Variants in SMARCB1 observed in about 807,000 individuals in gnomAD.
SMARCB1 encodes the protein SWI/SNF-related matrix-associated actin-dependent regulator of chromatin subfamily B member 1.
A neutral mutation model predicts 49.0 loss-of-function variants in SMARCB1; 5 were observed. That is an observed-to-expected ratio of 0.10 (90% CI 0.05 to 0.21). SMARCB1 has a LOEUF of 0.21. SMARCB1 is among the 10% of genes least tolerant of loss of function. The pLI is 1.00. For missense variants in SMARCB1, 226 were observed against 509.2 expected (o/e 0.44, Z 5.35); for synonymous variants, 201 against 200.1 (o/e 1.00, Z -0.04).
intron 6 of SMARCB1, among the ~76,000 whole-genome samples, chr22:23,819,233 C>A (rs1303481789): frequency 3.9e-5 from 6 of 152,190 alleles, no homozygotes; most frequent in African/African-American, 1.2e-4. Flanking sequence ...TGGACAGACA[C>A]TTGGGTTGCT....
At chr22:23,807,020 G>C (rs1438536659) in intron 5 of SMARCB1, among the ~76,000 whole-genome samples, 1 of 151,724 alleles carries the variant, frequency 6.6e-6, no homozygotes. Context: ...ACTTGAAGTA[G>C]TGCTTCTCTG....
chr22:23,793,244 G>A (rs936729643), intron 2 of SMARCB1: 8 of 428,624 alleles, frequency 1.9e-5, no homozygotes, highest in Admixed American at 1.0e-4. Context: ...TTCTGGAGTC[G>A]AGTGTCCCCG....
At position 23,797,511 on chromosome 22, in the gene SMARCB1, T is replaced by C. The variant is rs534479214; in HGVS notation, c.363-3433T>C. Among the ~76,000 whole-genome samples the C allele has an allele frequency of 2.1e-5, 3 of 144,524 alleles. No individual in the cohort carries two copies. The Admixed American group carries it at 2.1e-4, about 10-fold the overall frequency. The allele number at this position is 144,524 out of a possible 152,430, so 94.8% of individuals were successfully genotyped here. A position where few individuals can be genotyped will look rare whatever the true frequency, so the allele number is the denominator to read the frequency against. On this transcript the variant is annotated intron_variant, in intron 3 of 8. Coordinates refer to ENST00000644036, the MANE Select transcript of SMARCB1 (RefSeq NM_003073.5). ...ATTTTTAGTAGAGATGGAGTTTTAT[T>C]GTGTTAGCCAGGATGGTCTCGATTT... is the stretch of plus-strand genomic sequence containing the variant.
intron 3 of SMARCB1, among the ~76,000 whole-genome samples, chr22:23,799,590 G>A: frequency 7.0e-6 from 1 of 141,896 alleles, no homozygotes; most frequent in African/African-American, 2.6e-5. Context: ...TCGGCTCACT[G>A]CAACTTCTGC....
Position 23,787,097 on chromosome 22 carries a change from G to T in SMARCB1, c.-73G>T. On this transcript the variant is annotated 5_prime_UTR_variant, in exon 1 of 9. Transcript: ENST00000644036. ...TCCGGCTTCGGTTTCCCTCGGCCCA[G>T]CACGCCCCGGCCCCGCCCCAGCCCT... is the stretch of plus-strand genomic sequence containing the variant. The T allele has an allele frequency of 1.0e-6, 1 of 975,176 alleles. No individual in the cohort carries two copies. Among genetic ancestry groups the T allele is most frequent in the Non-Finnish European group, 1.6e-6 (1 of 615,504 alleles). The allele number at this position is 975,176 out of a possible 1,614,324, so 60.4% of individuals were successfully genotyped here.
chr22:23,830,521 T>C (rs1350775267), intron 7 of SMARCB1, among the ~76,000 whole-genome samples: 1 of 152,186 alleles, frequency 6.6e-6, no homozygotes, highest in Non-Finnish European at 1.5e-5. Flanking sequence ...ATATTCTACA[T>C]AGAAGTCCCT....
chr22:23,837,773 G>A lies in SMARCB1; in HGVS notation c.*3593G>A, dbSNP rs531760398. The A allele has an allele frequency of 2.5e-6, 4 of 1,613,928 alleles. No individual in the cohort carries two copies. In the East Asian group the frequency reaches 8.9e-5, roughly 36 times the overall value. ...CCGAAGAAGTTGACCCTCACCCGAG[G>A]GCTGCGGCGGCTCCACACGTACACC... On this transcript the variant is annotated 3_prime_UTR_variant, in exon 9 of 9. Coordinates refer to ENST00000644036, the MANE Select transcript of SMARCB1 (RefSeq NM_003073.5).
In SMARCB1 at chr22:23,816,923, G is replaced by A. The variant is rs779587990; in HGVS notation, c.782G>A (p.Arg261His). The A allele has an allele frequency of 3.7e-6, 6 of 1,613,922 alleles. No individual in the cohort carries two copies. Among genetic ancestry groups the A allele is most frequent in the Non-Finnish European group, 4.2e-6 (5 of 1,179,968 alleles). The change falls in exon 6 of 9, where the codon CGC becomes CAC. Residue 261 changes from arginine (R) to histidine (H), a missense_variant. Transcript: ENST00000644036. Reference protein sequence around the residue: ...DSILEDQSDQRVIIKLNIHVG... With the variant: ...DSILEDQSDQHVIIKLNIHVG... ...ATCCTGGAGGACCAGTCAGACCAGC[G>A]CGTCATCATCAAGGTAGGTGACTTC...
At chr22:23,789,494 G>A (rs1928237847) in intron 1 of SMARCB1, among the ~76,000 whole-genome samples, 1 of 152,208 alleles carries the variant, frequency 6.6e-6, no homozygotes, top group East Asian at 1.9e-4. Flanking sequence ...AGAACCTTGG[G>A]AGGCCTGGTT....
At chr22:23,816,973 G>A (rs772025629) in intron 6 of SMARCB1, 37 bp downstream of exon 6, 5 of 1,586,870 alleles carry the variant, frequency 3.2e-6, no homozygotes, top group Non-Finnish European at 4.3e-6. Flanking sequence ...AGCCTTCCTG[G>A]CCCTCAGGGT....
chr22:23,835,610 G>C lies in SMARCB1; in HGVS notation c.*1430G>C. On this transcript the variant is annotated 3_prime_UTR_variant, in exon 9 of 9. Coordinates refer to ENST00000644036, the MANE Select transcript of SMARCB1 (RefSeq NM_003073.5). ...AGAGTGGAACTCCCCAGAGCCCCAT[G>C]CACAGCAAGGGGACAGCTGGGCCTT... The C allele has an allele frequency of 1.0e-6, 1 of 985,530 alleles. No individual in the cohort carries two copies. The highest frequency in any genetic ancestry group is 1.2e-6 in the Non-Finnish European group (1 of 829,960). 61.0% of individuals were successfully genotyped at this position (985,530 alleles called of 1,614,324 possible). A position where few individuals can be genotyped will look rare whatever the true frequency, so the allele number is the denominator to read the frequency against.
At chr22:23,807,037 T>C (rs1929539273) in intron 5 of SMARCB1, among the ~76,000 whole-genome samples, 1 of 152,032 alleles carries the variant, frequency 6.6e-6, no homozygotes, top group Admixed American at 6.6e-5. Flanking sequence ...TCTGAATCAC[T>C]GGTGATGTAT....
Position 23,833,606 on chromosome 22 carries a change from C to T in SMARCB1, c.1021C>T (p.Arg341Trp), listed in dbSNP as rs772804160. ...NPLPTVEIAI[R>W]NTGDADQWCP... The stretch of plus-strand genomic sequence containing the variant: ...TCTGCCCACAGTGGAGATTGCCATC[C>T]GGAACACGGGCGATGCGGACCAGTG... The change falls in exon 8 of 9, where the codon CGG becomes TGG. Residue 341 changes from arginine to tryptophan, a missense_variant. By Grantham distance (101) the Arg-to-Trp change is moderately radical. Transcript: ENST00000644036. 1 of 1,614,206 alleles carries T rather than the reference C, an allele frequency of 6.2e-7. No individual in the cohort carries two copies. The highest frequency in any genetic ancestry group is 8.5e-7 in the Non-Finnish European group (1 of 1,180,042).
chr22:23,797,148 G>A (rs1163666529), intron 3 of SMARCB1, among the ~76,000 whole-genome samples: 3 of 147,754 alleles, frequency 2.0e-5, no homozygotes, highest in East Asian at 4.0e-4. Flanking sequence ...ACAGGCGCCC[G>A]CCACCTCGCC....
At chr22:23,817,383 G>T (rs1159108850) in intron 6 of SMARCB1, 1 of 278,984 alleles carries the variant, frequency 3.6e-6, no homozygotes. Context: ...GCGATTGGGC[G>T]CAGGCCTGCA....
intron 3 of SMARCB1, among the ~76,000 whole-genome samples, chr22:23,797,241 G>C (rs151141080): frequency 6.8e-6 from 1 of 147,706 alleles, no homozygotes; most frequent in East Asian, 2.0e-4. Flanking sequence ...CTCGTGATCC[G>C]CCCGCCTCGG....
intron 3 of SMARCB1, among the ~76,000 whole-genome samples, chr22:23,795,384 G>A (rs370383051): frequency 6.6e-5 from 10 of 152,206 alleles, no homozygotes; most frequent in South Asian, 4.1e-4. Context: ...GGCCGGGCAC[G>A]GTGGCTCACG....
chr22:23,790,348 C>T (rs189288662), intron 1 of SMARCB1, among the ~76,000 whole-genome samples: 2 of 152,336 alleles, frequency 1.3e-5, no homozygotes, highest in East Asian at 3.9e-4. Flanking sequence ...CTGCTCTTCT[C>T]TCAGCGTTCA....
At position 23,837,170 on chromosome 22, in the gene SMARCB1, G is replaced by A. The variant is rs144605010; in HGVS notation, c.*2990G>A. 3.1e-4 allele frequency: 496 copies of A among 1,613,232 alleles called. 2 individuals are homozygous for A. The African/African-American group carries it at 5.4e-3, about 18-fold the overall frequency. The stretch of plus-strand genomic sequence containing the variant: ...ACCGCAATCCCTGTGAGACAGCCAC[G>A]GACTGTGGGGTCACCCTCCACAGCC... On this transcript the variant is annotated 3_prime_UTR_variant, in exon 9 of 9. Transcript: ENST00000644036.
Sources: gnomAD v4.1 joint callset for allele counts (sites outside exome capture counted in the v4.1 genomes callset) on GRCh38, gnomAD v4.1.1 for gene constraint, MANE v1.5 for transcripts, NCBI Gene and HGNC (gene_info 2026-07-23, HGNC 2026-07-21) for gene names.